Variants in AHCYL2 observed in about 807,000 individuals in gnomAD.
The protein encoded by AHCYL2 is adenosylhomocysteinase like 2, also known as S-adenosylhomocysteine hydrolase-like protein 2.
AHCYL2 carries 28 observed loss-of-function variants against 81.4 expected under a neutral mutation model. The observed-to-expected ratio is 0.34, with a 90% CI of 0.25 to 0.47. The LOEUF (loss-of-function observed/expected upper bound fraction) is 0.47. Ranked by LOEUF, AHCYL2 falls within the 20% of genes least tolerant of loss-of-function variation. The pLI, the probability that AHCYL2 is intolerant of heterozygous loss-of-function variation, is 1.00. For synonymous variants in AHCYL2, 272 were observed against 290.2 expected, an observed-to-expected ratio of 0.94 and a Z score of 0.64; for missense variants, 551 against 785.1, an observed-to-expected ratio of 0.70 and a Z score of 3.56.
At chr7:129,403,860 CAAAAAA>C (rs34806455) in intron 7 of AHCYL2, among the ~76,000 whole-genome samples, 845 of 79,954 alleles carry the variant, frequency 0.011, 3 homozygotes, top group African/African-American at 0.031. Flanking sequence ...GACTCCATCT[CAAAAAA>C]AAAAAAAAAA....
intron 1 of AHCYL2, among the ~76,000 whole-genome samples, chr7:129,274,126 A>T (rs12706870): frequency 0.025 from 3,745 of 152,270 alleles, 75 homozygotes; most frequent in Admixed American, 0.057. Flanking sequence ...CAGAATTGTT[A>T]TGGGCCAGTA....
At chr7:129,266,225 C>T (rs559795378) in intron 1 of AHCYL2, among the ~76,000 whole-genome samples, 7 of 152,260 alleles carry the variant, frequency 4.6e-5, no homozygotes, top group African/African-American at 1.7e-4. Flanking sequence ...GTTGTTTCAG[C>T]CTTTATCGGT....
At chr7:129,285,559 A>G (rs1035773084) in intron 1 of AHCYL2, among the ~76,000 whole-genome samples, 4 of 152,050 alleles carry the variant, frequency 2.6e-5, no homozygotes. Flanking sequence ...AAAAAAAGGA[A>G]CTTAGGTTGA....
chr7:129,305,821 G>A (rs913676743), intron 1 of AHCYL2, among the ~76,000 whole-genome samples: 11 of 152,198 alleles, frequency 7.2e-5, no homozygotes, highest in Non-Finnish European at 1.3e-4. Context: ...GTCTGGGAAA[G>A]TCTTTATTTC....
At chr7:129,418,590 C>T (rs925116171) in intron 12 of AHCYL2, among the ~76,000 whole-genome samples, 20 of 152,204 alleles carry the variant, frequency 1.3e-4, no homozygotes, top group African/African-American at 2.2e-4. Context: ...TGAGCCACCG[C>T]GCCCAGCCGA....
At chr7:129,262,530 G>T (rs983690186) in intron 1 of AHCYL2, among the ~76,000 whole-genome samples, 9 of 152,218 alleles carry the variant, frequency 5.9e-5, no homozygotes, top group Non-Finnish European at 1.3e-4. Context: ...GTGGTTGGTG[G>T]TCTCCTATTA....
At position 129,409,872 on chromosome 7, in the gene AHCYL2, TA is replaced by T. The variant is rs1284069019; in HGVS notation, c.1366+327del. ...CAGATATTTTTTTTTTCCAAAAATA[TA>T]TTTATTTTTAAAAACAGAAAATCAG... On this transcript the variant is annotated intron_variant, in intron 11 of 16. Transcript: ENST00000325006. Among the ~76,000 whole-genome samples the T allele has an allele frequency of 5.3e-5, 8 of 151,780 alleles. No individual in the cohort carries two copies. The East Asian group carries it at 1.2e-3, about 22-fold the overall frequency.
rs147659517 is a variant in AHCYL2, at chr7:129,312,203, A to G, written c.364-67435A>G. Among the ~76,000 whole-genome samples, 455 of 151,428 alleles carry G rather than the reference A, an allele frequency of 3.0e-3. 3 individuals are homozygous for G. The highest frequency in any genetic ancestry group is 0.011 in the African/African-American group (433 of 41,228). ...GGGCTTAAGTGATTCTCTCAGCTCA[A>G]CCTCCTGAGTAGCTGGGACCACAAG... is the stretch of plus-strand genomic sequence containing the variant. On this transcript the variant is annotated intron_variant, in intron 1 of 16. Transcript: ENST00000325006.
intron 1 of AHCYL2, among the ~76,000 whole-genome samples, chr7:129,317,207 T>G (rs1171943238): frequency 6.6e-6 from 1 of 152,222 alleles, no homozygotes; most frequent in Non-Finnish European, 1.5e-5. Context: ...GCTTCTTGAC[T>G]TCCATCTGCT....
chr7:129,380,200 G>T (rs1013794612), intron 2 of AHCYL2, among the ~76,000 whole-genome samples: 1 of 152,116 alleles, frequency 6.6e-6, no homozygotes, highest in Non-Finnish European at 1.5e-5. Flanking sequence ...AAGCAAGTGA[G>T]CCCTTTGCCT....
chr7:129,276,875 C>A (rs1796228382), intron 1 of AHCYL2, among the ~76,000 whole-genome samples: 1 of 151,498 alleles, frequency 6.6e-6, no homozygotes, highest in African/African-American at 2.4e-5. Context: ...GATACAGATA[C>A]CACTAAGATT....
intron 1 of AHCYL2, among the ~76,000 whole-genome samples, chr7:129,278,205 G>A (rs1423123718): frequency 6.6e-6 from 1 of 151,856 alleles, no homozygotes. Flanking sequence ...TGTCTCTTGT[G>A]GTAAAGTGTC....
At chr7:129,424,735 T>C (rs764048118) in intron 13 of AHCYL2, 139 bp from the exon 14 acceptor site, 21 of 807,788 alleles carry the variant, frequency 2.6e-5, no homozygotes, top group South Asian at 9.0e-5. Context: ...TTAGTTCTTA[T>C]ATATTGAATA....
At chr7:129,286,786 TC>T (rs1796648429) in intron 1 of AHCYL2, among the ~76,000 whole-genome samples, 1 of 152,048 alleles carries the variant, frequency 6.6e-6, no homozygotes. Flanking sequence ...AAATTAAGGA[TC>T]CCAAAGAGTT....
At chr7:129,255,792 T>C (rs1260692759) in intron 1 of AHCYL2, among the ~76,000 whole-genome samples, 1 of 152,036 alleles carries the variant, frequency 6.6e-6, no homozygotes, top group Non-Finnish European at 1.5e-5. Context: ...GGTGAAACCC[T>C]GTCTCTACTA....
At position 129,372,527 on chromosome 7, in the gene AHCYL2, G is replaced by C. The variant is rs184188459; in HGVS notation, c.364-7111G>C. 4.0e-3 allele frequency among the ~76,000 whole-genome samples: 607 copies of C among 152,292 alleles called. 3 individuals are homozygous for C. The highest frequency in any genetic ancestry group is 0.01 in the Middle Eastern group (3 of 294). On this transcript the variant is annotated intron_variant, in intron 1 of 16. Coordinates refer to ENST00000325006, the MANE Select transcript of AHCYL2 (RefSeq NM_015328.4). ...TTGGGTGTAAAGAAAGATCACCTCA[G>C]CTGGGCGTGGTGCCTCATGCCTGTA...
chr7:129,227,191 C>G (rs1011733751), intron 1 of AHCYL2, among the ~76,000 whole-genome samples: 2 of 152,068 alleles, frequency 1.3e-5, no homozygotes, highest in Non-Finnish European at 2.9e-5. Flanking sequence ...TTGAGCTTGG[C>G]ACATAAAGTC....
chr7:129,395,599 A>G (rs1483344601), intron 4 of AHCYL2, among the ~76,000 whole-genome samples: 2 of 152,164 alleles, frequency 1.3e-5, no homozygotes, highest in Non-Finnish European at 2.9e-5. Flanking sequence ...CTCCAGACAC[A>G]GTGGATCTTT....
intron 1 of AHCYL2, among the ~76,000 whole-genome samples, chr7:129,338,021 G>A (rs1420176303): frequency 2.0e-5 from 3 of 152,192 alleles, no homozygotes; most frequent in African/African-American, 4.8e-5. Flanking sequence ...TGGGATTACA[G>A]GTATGAGCCA....
Sources: allele counts gnomAD v4.1 joint callset (sites outside exome capture counted in the v4.1 genomes callset), GRCh38; gene constraint gnomAD v4.1.1; transcripts MANE v1.5; gene names NCBI Gene and HGNC (gene_info 2026-07-23, HGNC 2026-07-21).